The following ACSM5 variants were observed in gnomAD, a reference collection of about 807,000 sequenced individuals.
The protein encoded by ACSM5 is acyl-CoA synthetase medium chain family member 5.
Under a neutral mutation model 71.6 loss-of-function variants are expected in ACSM5, and 56 were observed. That is an observed-to-expected ratio of 0.78 (90% CI 0.63 to 0.98). ACSM5 has a LOEUF of 0.98. ACSM5 is among the 50% of genes least tolerant of loss of function. The pLI, the probability that ACSM5 is intolerant of heterozygous loss-of-function variation, is 0.00. For synonymous variants in ACSM5, 285 were observed against 281.5 expected, an observed-to-expected ratio of 1.01 and a Z score of -0.12; for missense variants, 723 against 726.0, an observed-to-expected ratio of 1.00 and a Z score of 0.05.
At chr16:20,427,025 GGGCACAGT>G (rs1966993660) in intron 6 of ACSM5, among the ~76,000 whole-genome samples, 1 of 136,520 alleles carries the variant, frequency 7.3e-6, no homozygotes, top group African/African-American at 2.6e-5. Context: ...ACTGGTGGCC[GGGCACAGT>G]GGTTCATACC....
intron 10 of ACSM5, among the ~76,000 whole-genome samples, chr16:20,433,550 G>A (rs142410167): frequency 6.6e-6 from 1 of 152,006 alleles, no homozygotes; most frequent in African/African-American, 2.4e-5. Flanking sequence ...TTATAGCATT[G>A]TGAACAAAAG....
At chr16:20,422,828 C>A (rs1213109422) in intron 5 of ACSM5, among the ~76,000 whole-genome samples, 1 of 152,062 alleles carries the variant, frequency 6.6e-6, no homozygotes, top group East Asian at 1.9e-4. Flanking sequence ...GGCTTGCTGA[C>A]AGAATCAGTG....
intron 2 of ACSM5, among the ~76,000 whole-genome samples, chr16:20,415,976 TTTAC>T (rs1240160798): frequency 6.6e-6 from 1 of 152,134 alleles, no homozygotes; most frequent in African/African-American, 2.4e-5. Flanking sequence ...AATGATTTCA[TTTAC>T]TAATAGCGTC....
At chr16:20,435,405 A>G (rs1396875870) in intron 10 of ACSM5, among the ~76,000 whole-genome samples, 10 of 152,186 alleles carry the variant, frequency 6.6e-5, no homozygotes, top group Non-Finnish European at 1.5e-4. Context: ...CTCCATACAC[A>G]TCTCAGAGAT....
At chr16:20,429,277 T>G (rs1485620416) in intron 7 of ACSM5, among the ~76,000 whole-genome samples, 1 of 152,118 alleles carries the variant, frequency 6.6e-6, no homozygotes, top group Non-Finnish European at 1.5e-5. Context: ...CCTCCCAAAG[T>G]GCTGGGACTA....
chr16:20,429,215 G>A (rs140651975), intron 7 of ACSM5, among the ~76,000 whole-genome samples: 404 of 152,146 alleles, frequency 2.7e-3, no homozygotes, highest in Middle Eastern at 6.8e-3. Context: ...GTTTTACCAC[G>A]TTGACCAGGC....
At chr16:20,436,013 T>C (rs1967186865) in intron 10 of ACSM5, among the ~76,000 whole-genome samples, 1 of 124,384 alleles carries the variant, frequency 8.0e-6, no homozygotes, top group Non-Finnish European at 1.6e-5. Flanking sequence ...TTCTTTCTTT[T>C]TTCTTCATTC....
At chr16:20,438,289 C>A (rs574274967) in intron 12 of ACSM5, among the ~76,000 whole-genome samples, 9 of 152,078 alleles carry the variant, frequency 5.9e-5, no homozygotes, top group Admixed American at 2.0e-4. Context: ...TTCTCAGAAG[C>A]ATCAAGACCA....
chr16:20,419,121 G>C (rs1966865892), intron 3 of ACSM5, 107 bp from the exon 4 acceptor site: 3 of 896,666 alleles, frequency 3.3e-6, no homozygotes, highest in East Asian at 2.5e-5. Flanking sequence ...ACGTCTTCCA[G>C]CTCATGCATT....
Position 20,431,090 on chromosome 16 carries a change from A to G in ACSM5, c.1206+17A>G. 1.9e-6 allele frequency: 3 copies of G among 1,610,686 alleles called. No homozygotes were observed. The highest frequency in any genetic ancestry group is 2.5e-6 in the Non-Finnish European group (3 of 1,178,234). On this transcript the variant is annotated intron_variant, in intron 9 of 13. Transcript: ENST00000331849. ...GATGTGCAGGTAGCAGCCTCCCCCA[A>G]CTTCTGGCAAGGCCTGGCATGGAGA...
At chr16:20,416,693 C>T (rs1353124520) in intron 2 of ACSM5, among the ~76,000 whole-genome samples, 1 of 151,740 alleles carries the variant, frequency 6.6e-6, no homozygotes, top group African/African-American at 2.4e-5. Flanking sequence ...AAAGCAAAAG[C>T]AACAAAATAA....
At chr16:20,416,546 C>T (rs1011800001) in intron 2 of ACSM5, among the ~76,000 whole-genome samples, 4 of 152,148 alleles carry the variant, frequency 2.6e-5, no homozygotes, top group Admixed American at 1.3e-4. Context: ...TTAATTGAGT[C>T]TCCTACCTGA....
At chr16:20,435,501 C>G (rs920636372) in intron 10 of ACSM5, among the ~76,000 whole-genome samples, 1 of 152,066 alleles carries the variant, frequency 6.6e-6, no homozygotes, top group Admixed American at 6.6e-5. Context: ...AATTTACCTA[C>G]AGTAAAATTC....
chr16:20,437,030 A>G, intron 10 of ACSM5, 22 bp from the exon 11 acceptor site: 1 of 1,613,932 alleles, frequency 6.2e-7, no homozygotes, highest in Admixed American at 1.7e-5. Flanking sequence ...AGGGTCCTTC[A>G]CGGGTTGTCT....
chr16:20,421,457 A>C, intron 5 of ACSM5, 56 bp downstream of exon 5: 1 of 1,449,634 alleles, frequency 6.9e-7, no homozygotes, highest in Non-Finnish European at 9.2e-7. Flanking sequence ...AGTGGTCTGG[A>C]GGGGGTGGTG....
intron 4 of ACSM5, among the ~76,000 whole-genome samples, chr16:20,420,321 C>T (rs750295329): frequency 1.6e-4 from 25 of 152,218 alleles, no homozygotes; most frequent in Non-Finnish European, 2.6e-4. Flanking sequence ...GCCCATAGGG[C>T]CAGGCGCCAT....
intron 7 of ACSM5, among the ~76,000 whole-genome samples, chr16:20,428,511 T>C (rs6497485): frequency 0.48 from 73,068 of 152,042 alleles, 19,501 homozygotes; most frequent in East Asian, 0.78. Context: ...AGAGGCCCAC[T>C]GTCCTTCAGT....
At chr16:20,417,023 CAAAAAA>C (rs35498393) in intron 2 of ACSM5, among the ~76,000 whole-genome samples, 1 of 130,086 alleles carries the variant, frequency 7.7e-6, no homozygotes. Context: ...AGTGGCATGG[CAAAAAA>C]AAAAAAAAAA....
intron 7 of ACSM5, among the ~76,000 whole-genome samples, chr16:20,429,154 G>C (rs1388741373): frequency 3.3e-5 from 5 of 152,034 alleles, no homozygotes; most frequent in African/African-American, 4.8e-5. Context: ...GGGACTACAG[G>C]CATGTGCCAC....
Sources: allele counts gnomAD v4.1 joint callset (sites outside exome capture counted in the v4.1 genomes callset), GRCh38; gene constraint gnomAD v4.1.1; transcripts MANE v1.5; gene names NCBI Gene and HGNC (gene_info 2026-07-23, HGNC 2026-07-21).